Variants in TP63 observed in about 807,000 individuals in gnomAD.
TP63 encodes the protein tumor protein 63.
A neutral mutation model predicts 82.8 loss-of-function variants in TP63; 17 were observed. The observed-to-expected ratio is 0.21, with a 90% CI of 0.14 to 0.31. The LOEUF is 0.31. TP63 is among the 10% of genes least tolerant of loss of function. TP63 has a pLI of 1.00. For missense variants in TP63, 648 were observed against 895.3 expected, an observed-to-expected ratio of 0.72 and a Z score of 3.52; for synonymous variants, 330 against 321.7, an observed-to-expected ratio of 1.03 and a Z score of -0.28.
chr3:189,682,432 G>A (rs1715996230), intron 1 of TP63, among the ~76,000 whole-genome samples: 1 of 145,540 alleles, frequency 6.9e-6, no homozygotes, highest in Non-Finnish European at 1.5e-5. Context: ...TACCTTAAAA[G>A]TGTTACATTA....
chr3:189,617,715 G>A, the TP63 span, among the ~76,000 whole-genome samples: 1 of 152,308 alleles, frequency 6.6e-6, no homozygotes, highest in Non-Finnish European at 1.5e-5. Context: ...ATAGTGAGTA[G>A]AGGGCAGATA....
At chr3:189,726,772 C>A (rs1361563365) in intron 1 of TP63, among the ~76,000 whole-genome samples, 2 of 152,182 alleles carry the variant, frequency 1.3e-5, no homozygotes, top group Non-Finnish European at 2.9e-5. Context: ...ATTTTGTACT[C>A]CACATATAAT....
chr3:189,735,749 G>A (rs147144658), intron 1 of TP63, among the ~76,000 whole-genome samples: 55 of 152,220 alleles, frequency 3.6e-4, no homozygotes, highest in Non-Finnish European at 5.9e-4. Flanking sequence ...CCAATATAAA[G>A]CATAGTCTGA....
At chr3:189,855,323 T>A (rs939365358) in intron 4 of TP63, among the ~76,000 whole-genome samples, 1 of 152,134 alleles carries the variant, frequency 6.6e-6, no homozygotes, top group Non-Finnish European at 1.5e-5. Flanking sequence ...ATAAACAAAA[T>A]TCTACAAGAA....
At chr3:189,764,100 C>T (rs1043220818) in intron 3 of TP63, among the ~76,000 whole-genome samples, 2 of 152,158 alleles carry the variant, frequency 1.3e-5, no homozygotes, top group African/African-American at 4.8e-5. Context: ...CTTGTATGCT[C>T]ATTGTCAAAA....
the TP63 span, among the ~76,000 whole-genome samples, chr3:189,621,060 C>A: frequency 2.6e-5 from 4 of 152,164 alleles, no homozygotes; most frequent in African/African-American, 9.7e-5. Flanking sequence ...ACATTTATCC[C>A]ATGACTAAAG....
chr3:189,752,723 C>T lies in TP63; in HGVS notation c.324+13949C>T, dbSNP rs567819740. Reference sequence around the variant, plus strand: ...TGGGTTTATGTTTTTTCTTCTTTTTCGAGTTTTTTAAATTAGAAGTTTATA... The same window carrying T: ...TGGGTTTATGTTTTTTCTTCTTTTTTGAGTTTTTTAAATTAGAAGTTTATA... On this transcript the variant is annotated intron_variant, in intron 3 of 13. Transcript: ENST00000264731. Among the ~76,000 whole-genome samples the T allele has an allele frequency of 2.2e-3, 332 of 151,740 alleles. 3 individuals carry two copies. The highest frequency in any genetic ancestry group is 7.7e-3 in the African/African-American group (318 of 41,412).
At chr3:189,824,167 G>C (rs1729086522) in intron 4 of TP63, among the ~76,000 whole-genome samples, 1 of 151,958 alleles carries the variant, frequency 6.6e-6, no homozygotes, top group Admixed American at 6.6e-5. Context: ...GGCTGGCCGT[G>C]GGAGCCCAGG....
intron 4 of TP63, among the ~76,000 whole-genome samples, chr3:189,821,243 T>C (rs1329776230): frequency 6.6e-6 from 1 of 152,262 alleles, no homozygotes; most frequent in Non-Finnish European, 1.5e-5. Flanking sequence ...TTTTATGTTC[T>C]TTCTACTTGT....
At chr3:189,640,457 C>T (rs769680984) in intron 1 of TP63, among the ~76,000 whole-genome samples, 1 of 152,074 alleles carries the variant, frequency 6.6e-6, no homozygotes, top group African/African-American at 2.4e-5. Context: ...TATTAATGCA[C>T]GATTTATCTT....
chr3:189,806,601 G>T (rs1726937144), intron 3 of TP63, among the ~76,000 whole-genome samples: 1 of 152,190 alleles, frequency 6.6e-6, no homozygotes, highest in African/African-American at 2.4e-5. Context: ...CTGCAGTTTG[G>T]CCACACCTGC....
chr3:189,869,201 A>G (rs1320576833), intron 8 of TP63, 123 bp from the exon 9 acceptor site: 8 of 782,142 alleles, frequency 1.0e-5, no homozygotes, highest in Non-Finnish European at 1.5e-5. Context: ...TGCTGGTACT[A>G]CTGTCTTTTT....
In TP63 at chr3:189,738,781, G is replaced by A. The variant is rs930341004; in HGVS notation, c.324+7G>A. The stretch of plus-strand genomic sequence containing the variant: ...CCTGAGTGACCCCATGTGGGTGAGT[G>A]GCACAGGCTTTCTCTTCAGTCTTTG... On this transcript the variant is annotated splice_region_variant and intron_variant, in intron 3 of 13. Coordinates refer to ENST00000264731, the MANE Select transcript of TP63 (RefSeq NM_003722.5). 1.2e-6 allele frequency: 2 copies of A among 1,614,036 alleles called. No homozygotes were observed. The highest frequency in any genetic ancestry group is 1.7e-5 in the Admixed American group (1 of 60,014).
intron 13 of TP63, among the ~76,000 whole-genome samples, chr3:189,892,758 C>T (rs991739144): frequency 6.6e-6 from 1 of 152,156 alleles, no homozygotes; most frequent in Non-Finnish European, 1.5e-5. Flanking sequence ...CGCCACTGCA[C>T]TCCAGCCTGG....
chr3:189,624,769 T>C, the TP63 span, among the ~76,000 whole-genome samples: 8 of 152,176 alleles, frequency 5.3e-5, no homozygotes, highest in African/African-American at 1.9e-4. Context: ...GGGAAAAGCA[T>C]TCACATACTT....
intron 4 of TP63, among the ~76,000 whole-genome samples, chr3:189,828,474 C>A (rs1171892187): frequency 1.3e-5 from 2 of 152,160 alleles, no homozygotes; most frequent in Non-Finnish European, 2.9e-5. Context: ...ATGATATATT[C>A]CTCAAGGTTT....
chr3:189,779,826 C>T (rs1033057429), intron 3 of TP63, among the ~76,000 whole-genome samples: 6 of 152,070 alleles, frequency 3.9e-5, no homozygotes, highest in African/African-American at 1.2e-4. Context: ...TGGATCAAAC[C>T]AGAACAGACA....
At chr3:189,774,089 A>AT (rs917344666) in intron 3 of TP63, among the ~76,000 whole-genome samples, 5 of 151,508 alleles carry the variant, frequency 3.3e-5, no homozygotes, top group Admixed American at 6.6e-5. Flanking sequence ...CGCCCAGCTA[A>AT]TTTTTTGTAT....
chr3:189,861,020 TC>T (rs1165467512), intron 4 of TP63, among the ~76,000 whole-genome samples: 1 of 152,152 alleles, frequency 6.6e-6, no homozygotes, highest in Non-Finnish European at 1.5e-5. Flanking sequence ...ATTTTTGGAG[TC>T]CTCAGTGTCC....
Sources: gnomAD v4.1 joint callset for allele counts (sites outside exome capture counted in the v4.1 genomes callset) on GRCh38, gnomAD v4.1.1 for gene constraint, MANE v1.5 for transcripts, NCBI Gene and HGNC (gene_info 2026-07-23, HGNC 2026-07-21) for gene names.